MAGED1: variants seen among roughly 807,000 people sequenced by gnomAD.
MAGED1 encodes melanoma-associated antigen D1.
MAGED1 carries 3 observed loss-of-function variants against 54.1 expected under a neutral mutation model. That is an observed-to-expected ratio of 0.06 (90% CI 0.03 to 0.14). MAGED1 has a LOEUF of 0.14. MAGED1 is among the 10% of genes least tolerant of loss of function. The probability of loss-of-function intolerance (pLI) is 1.00; values close to 1 mark genes in which losing one functional copy is unlikely to be tolerated. For missense variants in MAGED1, 485 were observed against 623.4 expected (o/e 0.78, Z 2.36); for synonymous variants, 217 against 227.3 (o/e 0.95, Z 0.41).
intron 1 of MAGED1, among the ~76,000 whole-genome samples, chrX:51,873,063 TAA>T (rs1927742140): frequency 9.2e-6 from 1 of 109,072 alleles, no homozygotes; most frequent in South Asian, 4.0e-4. Context: ...AAAAAATAAA[TAA>T]AAAAATAAAA....
intron 1 of MAGED1, among the ~76,000 whole-genome samples, chrX:51,818,882 G>A (rs1925526593): frequency 8.9e-6 from 1 of 112,065 alleles, no homozygotes; most frequent in Non-Finnish European, 1.9e-5. Context: ...GTCTCACCAA[G>A]AGACTCCTTA....
chrX:51,893,646 C>T lies in MAGED1; in HGVS notation c.-146C>T, dbSNP rs895801470. 8.8e-6 allele frequency: 1 copy of T among 113,485 alleles called. No individual in the cohort carries two copies. The highest frequency in any genetic ancestry group is 3.2e-5 in the African/African-American group (1 of 31,164). 9.4% of individuals were successfully genotyped at this position (113,485 alleles called of 1,213,427 possible). ...CCAAGCTGCCGCGCTGGCATTTTCTCCTGGACAAGGAGAGAGTGCGGCTGC... is the reference window on the plus strand; with the variant it reads ...CCAAGCTGCCGCGCTGGCATTTTCTTCTGGACAAGGAGAGAGTGCGGCTGC... On this transcript the variant is annotated 5_prime_UTR_variant, in exon 1 of 13. Coordinates refer to ENST00000326587, the MANE Select transcript of MAGED1 (RefSeq NM_006986.4).
At chrX:51,870,094 G>A (rs1449957864) in intron 1 of MAGED1, among the ~76,000 whole-genome samples, 2 of 111,331 alleles carry the variant, frequency 1.8e-5, no homozygotes, top group African/African-American at 3.3e-5. Flanking sequence ...TCTTGGACAA[G>A]TGTGGGTTGG....
chrX:51,808,890 A>G (rs1925119234), intron 1 of MAGED1, among the ~76,000 whole-genome samples: 1 of 112,100 alleles, frequency 8.9e-6, no homozygotes, highest in Non-Finnish European at 1.9e-5. Context: ...AGGTGCATTA[A>G]GTAACCACCA....
chrX:51,863,966 C>T (rs1557360883), intron 1 of MAGED1, among the ~76,000 whole-genome samples: 1 of 110,520 alleles, frequency 9.0e-6, no homozygotes, highest in Admixed American at 9.6e-5. Flanking sequence ...TTGATTGTTT[C>T]CCTTGCTGTG....
intron 1 of MAGED1, among the ~76,000 whole-genome samples, chrX:51,829,136 A>G (rs1557357173): frequency 8.9e-6 from 1 of 111,952 alleles, no homozygotes; most frequent in Non-Finnish European, 1.9e-5. Flanking sequence ...AAGAAAAGTC[A>G]GAGAAAAATT....
chrX:51,860,326 G>A (rs782580694), intron 1 of MAGED1, among the ~76,000 whole-genome samples: 1 of 111,947 alleles, frequency 8.9e-6, no homozygotes, highest in South Asian at 3.8e-4. Context: ...GGTGCAGGGA[G>A]ACCAGTTAGG....
chrX:51,887,072 AAAAG>A (rs1431659178), intron 1 of MAGED1, among the ~76,000 whole-genome samples: 1 of 83,526 alleles, frequency 1.2e-5, no homozygotes, highest in Non-Finnish European at 2.3e-5. Context: ...AAGAAGAAAA[AAAAG>A]AGAATACAAT....
At chrX:51,827,407 A>T (rs1469579005) in intron 1 of MAGED1, among the ~76,000 whole-genome samples, 1 of 112,403 alleles carries the variant, frequency 8.9e-6, no homozygotes, top group Non-Finnish European at 1.9e-5. Flanking sequence ...GAATAGACGG[A>T]GCACATGGGA....
intron 1 of MAGED1, among the ~76,000 whole-genome samples, chrX:51,804,819 A>G (rs192174603): frequency 1.8e-5 from 2 of 111,978 alleles, no homozygotes; most frequent in Admixed American, 9.5e-5. Context: ...GTAAGGTGAT[A>G]TTTGAGCAGG....
At chrX:51,900,679 G>C (rs1483073908) in intron 11 of MAGED1, among the ~76,000 whole-genome samples, 2 of 111,542 alleles carry the variant, frequency 1.8e-5, no homozygotes, top group Non-Finnish European at 3.8e-5. Flanking sequence ...GCCCAGGCTA[G>C]AGTGCAGTGG....
intron 1 of MAGED1, among the ~76,000 whole-genome samples, chrX:51,814,270 T>TGCCGCTGCCGCTGCTGCTACCGCCGCC (rs1557355832): frequency 2.4e-4 from 27 of 111,747 alleles, no homozygotes; most frequent in Non-Finnish European, 4.5e-4. Flanking sequence ...CTGCTGCTGC[T>TGCCGCTGCCGCTGCTGCTACCGCCGCC]GCCGCTGCCG....
intron 1 of MAGED1, among the ~76,000 whole-genome samples, chrX:51,834,460 GTGTT>G (rs782556532): frequency 4.5e-5 from 5 of 112,114 alleles, no homozygotes; most frequent in Non-Finnish European, 9.4e-5. Flanking sequence ...ATATTGGTGT[GTGTT>G]TGTTTGGTAT....
At chrX:51,809,030 A>G (rs1034521853) in intron 1 of MAGED1, among the ~76,000 whole-genome samples, 2 of 112,380 alleles carry the variant, frequency 1.8e-5, no homozygotes, top group Non-Finnish European at 3.8e-5. Context: ...TTAAGTCAGT[A>G]TCCAAACAAG....
rs144125835 is a variant in MAGED1 at position 51,818,235 on chromosome X, A to G, written c.-37+15118A>G. Among the ~76,000 whole-genome samples the G allele has an allele frequency of 1.1e-4, 12 of 111,799 alleles. No individual in the cohort carries two copies. In the East Asian group the frequency reaches 3.4e-3, roughly 32 times the overall value. ...CATTAGAGTGACAATTGCTAGCTGC[A>G]TAGTGGACTGTCTTAGAAATAGAGG... On this transcript the variant is annotated intron_variant, in intron 1 of 12. Coordinates refer to the MAGED1 transcript ENST00000375772.
At chrX:51,829,506 A>G (rs1214654749) in intron 1 of MAGED1, among the ~76,000 whole-genome samples, 2 of 110,654 alleles carry the variant, frequency 1.8e-5, no homozygotes, top group African/African-American at 3.3e-5. Context: ...TATAAACCCA[A>G]TTATGAAAAG....
chrX:51,844,959 C>T (rs1009996052), intron 1 of MAGED1, among the ~76,000 whole-genome samples: 2 of 111,353 alleles, frequency 1.8e-5, no homozygotes, highest in African/African-American at 3.3e-5. Context: ...GTAGGCTGGG[C>T]GTGGTGGCAC....
intron 1 of MAGED1, among the ~76,000 whole-genome samples, chrX:51,841,064 G>A (rs1326008026): frequency 1.9e-5 from 2 of 105,715 alleles, no homozygotes; most frequent in Non-Finnish European, 3.9e-5. Flanking sequence ...GTGTAAAAGT[G>A]TTCCTATTTC....
At chrX:51,844,777 G>A (rs1364112737) in intron 1 of MAGED1, among the ~76,000 whole-genome samples, 1 of 111,798 alleles carries the variant, frequency 8.9e-6, no homozygotes, top group Non-Finnish European at 1.9e-5. Flanking sequence ...CTTGTCTAAT[G>A]GAGTGAATAC....
Sources: gnomAD v4.1 joint callset for allele counts (sites outside exome capture counted in the v4.1 genomes callset) on GRCh38, gnomAD v4.1.1 for gene constraint, MANE v1.5 for transcripts, NCBI Gene and HGNC (gene_info 2026-07-23, HGNC 2026-07-21) for gene names.